The following MTR variants were observed in gnomAD, a reference collection of about 807,000 sequenced individuals.
MTR encodes the protein 5-methyltetrahydrofolate-homocysteine methyltransferase.
A neutral mutation model predicts 154.8 loss-of-function variants in MTR; 84 were observed. That is an observed-to-expected ratio of 0.54 (90% CI 0.45 to 0.65). The LOEUF (loss-of-function observed/expected upper bound fraction) is 0.65, where lower values mean the gene tolerates loss of function less well. Ranked by LOEUF, MTR falls within the 30% of genes least tolerant of loss-of-function variation. The pLI, the probability that MTR is intolerant of heterozygous loss-of-function variation, is 0.00. For missense variants in MTR, 1,275 were observed against 1,570.2 expected (o/e 0.81, Z 3.18); for synonymous variants, 554 against 553.9 (o/e 1.00, Z 0.00).
chr1:236,886,784 C>T (rs1487370973), intron 27 of MTR, among the ~76,000 whole-genome samples: 2 of 152,206 alleles, frequency 1.3e-5, no homozygotes, highest in East Asian at 3.8e-4. Flanking sequence ...CTGTGGAAAC[C>T]TGCCTGGGTG....
chr1:236,897,663 CT>C lies in MTR; in HGVS notation c.*25del. 1.3e-6 allele frequency: 2 copies of C among 1,509,160 alleles called. No individual in the cohort carries two copies. The highest frequency in any genetic ancestry group is 1.8e-6 in the Non-Finnish European group (2 of 1,092,942). 93.5% of individuals were successfully genotyped at this position (1,509,160 alleles called of 1,614,324 possible). Reference sequence around the variant, plus strand: ...AGACTAACTTTTTTTTTTTTTTTGCCTTTTTTATTCTTGATGATCCTCAAGG... The same window carrying C: ...AGACTAACTTTTTTTTTTTTTTTGCCTTTTTATTCTTGATGATCCTCAAGG... On this transcript the variant is annotated 3_prime_UTR_variant, in exon 33 of 33. Transcript: ENST00000366577.
chr1:236,867,628 G>C (rs1664891857), intron 22 of MTR, among the ~76,000 whole-genome samples: 1 of 152,154 alleles, frequency 6.6e-6, no homozygotes, highest in Non-Finnish European at 1.5e-5. Context: ...TTCTGTAAAG[G>C]ATTCACCATT....
intron 24 of MTR, among the ~76,000 whole-genome samples, chr1:236,877,368 A>G (rs1665489983): frequency 6.6e-6 from 1 of 152,230 alleles, no homozygotes; most frequent in Non-Finnish European, 1.5e-5. Flanking sequence ...ATCAAGAAAT[A>G]GAACACTAAT....
intron 10 of MTR, among the ~76,000 whole-genome samples, chr1:236,826,145 T>A (rs1319253889): frequency 2.6e-5 from 4 of 152,210 alleles, no homozygotes; most frequent in Non-Finnish European, 5.9e-5. Flanking sequence ...GGAACTGAAT[T>A]GTTATTTAAA....
intron 2 of MTR, among the ~76,000 whole-genome samples, chr1:236,804,310 G>A (rs369979874): frequency 1.3e-5 from 2 of 152,164 alleles, no homozygotes; most frequent in South Asian, 2.1e-4. Context: ...GCTCAAGGGC[G>A]CTTATTCACC....
At chr1:236,850,772 C>T (rs1663851805) in intron 16 of MTR, among the ~76,000 whole-genome samples, 1 of 152,072 alleles carries the variant, frequency 6.6e-6, no homozygotes. Context: ...GTGGAGGTTG[C>T]ATTGAGCTGG....
At chr1:236,879,909 T>C (rs1285360930) in intron 24 of MTR, among the ~76,000 whole-genome samples, 1 of 151,954 alleles carries the variant, frequency 6.6e-6, no homozygotes, top group Non-Finnish European at 1.5e-5. Context: ...ATCCCAGCAC[T>C]TTGGGAAGCC....
chr1:236,798,515 G>T (rs558395201), intron 1 of MTR, among the ~76,000 whole-genome samples: 7 of 152,244 alleles, frequency 4.6e-5, no homozygotes, highest in African/African-American at 7.2e-5. Flanking sequence ...AAATATATTG[G>T]CTAAATCCAC....
chr1:236,812,512 TG>T (rs1362053577), intron 5 of MTR, among the ~76,000 whole-genome samples: 1 of 152,224 alleles, frequency 6.6e-6, no homozygotes, highest in Non-Finnish European at 1.5e-5. Context: ...ACATGGGAAG[TG>T]GAAGTTACGT....
chr1:236,849,358 G>A (rs1160115341), intron 15 of MTR, among the ~76,000 whole-genome samples: 1 of 152,144 alleles, frequency 6.6e-6, no homozygotes, highest in East Asian at 1.9e-4. Context: ...TACTAAAGAT[G>A]TTGCCAAAAT....
intron 19 of MTR, among the ~76,000 whole-genome samples, chr1:236,860,516 G>A (rs543949395): frequency 5.5e-4 from 84 of 152,116 alleles, no homozygotes; most frequent in African/African-American, 1.9e-3. Flanking sequence ...TTGAACTGGG[G>A]ACCTTGGAGG....
intron 1 of MTR, 146 bp downstream of exon 1, chr1:236,795,883 C>T (rs2102984172): frequency 1.6e-6 from 2 of 1,286,950 alleles, no homozygotes; most frequent in East Asian, 2.5e-5. Context: ...GAACTTAGCG[C>T]AGGAGCCCGG....
intron 3 of MTR, 78 bp from the exon 4 acceptor site, chr1:236,808,626 T>A: frequency 2.2e-6 from 3 of 1,361,104 alleles, no homozygotes; most frequent in Non-Finnish European, 3.2e-6. Context: ...GAAAACTGAG[T>A]ATTAGATGGT....
At chr1:236,878,758 T>C (rs1255013943) in intron 24 of MTR, among the ~76,000 whole-genome samples, 2 of 152,178 alleles carry the variant, frequency 1.3e-5, no homozygotes, top group African/African-American at 4.8e-5. Flanking sequence ...TTCAATAGAT[T>C]TGGGGTCTTT....
intron 8 of MTR, chr1:236,820,209 A>G: frequency 1.3e-6 from 1 of 758,964 alleles, no homozygotes; most frequent in African/African-American, 1.7e-5. Flanking sequence ...TTTCCTGTGA[A>G]CACTTGCGGG....
chr1:236,898,088 G>A lies in MTR; in HGVS notation c.*444G>A, dbSNP rs938299059. ...ACAAAATGATACTGTGAGAAATGGGGCATTTTAATCTAAGTGGTTATAACA... is the reference window on the plus strand; with the variant it reads ...ACAAAATGATACTGTGAGAAATGGGACATTTTAATCTAAGTGGTTATAACA... On this transcript the variant is annotated 3_prime_UTR_variant, in exon 33 of 33. Transcript: ENST00000366577. The A allele has an allele frequency of 9.7e-6, 2 of 205,334 alleles. No homozygotes were observed. Among genetic ancestry groups the A allele is most frequent in the South Asian group, 8.4e-5 (1 of 11,838 alleles). 12.7% of individuals were successfully genotyped at this position (205,334 alleles called of 1,614,324 possible). A position where few individuals can be genotyped will look rare whatever the true frequency, so the allele number is the denominator to read the frequency against.
intron 8 of MTR, among the ~76,000 whole-genome samples, chr1:236,818,055 A>G (rs746826005): frequency 6.6e-5 from 10 of 152,182 alleles, no homozygotes; most frequent in Non-Finnish European, 1.2e-4. Context: ...TTTTGTGCCT[A>G]TCTGTGAGTA....
chr1:236,806,005 A>C (rs887339392), intron 2 of MTR, 139 bp from the exon 3 acceptor site: 13 of 735,498 alleles, frequency 1.8e-5, no homozygotes, highest in Non-Finnish European at 3.1e-5. Context: ...TTGCATCTCT[A>C]CCTTCTAATG....
rs1043483697 is a variant in MTR, at chr1:236,899,443, A to G, written c.*1799A>G. On this transcript the variant is annotated 3_prime_UTR_variant, in exon 33 of 33. Coordinates refer to ENST00000366577, the MANE Select transcript of MTR (RefSeq NM_000254.3). ...GGACAGGAAGGACCACTCCCTAAGT[A>G]ATCCCAGAACAATGGCTATTCATGT... The G allele has an allele frequency of 6.6e-6, 1 of 152,272 alleles. No individual in the cohort carries two copies. The highest frequency in any genetic ancestry group is 1.5e-5 in the Non-Finnish European group (1 of 68,050). 9.4% of individuals were successfully genotyped at this position (152,272 alleles called of 1,614,324 possible).
Sources: gnomAD v4.1 joint callset for allele counts (sites outside exome capture counted in the v4.1 genomes callset) on GRCh38, gnomAD v4.1.1 for gene constraint, MANE v1.5 for transcripts, NCBI Gene and HGNC (gene_info 2026-07-23, HGNC 2026-07-21) for gene names.